PCDH15: variants seen among roughly 807,000 people sequenced by gnomAD.
PCDH15 encodes the protein protocadherin related 15, also known as protocadherin-15.
A neutral mutation model predicts 178.5 loss-of-function variants in PCDH15; 129 were observed. That is an observed-to-expected ratio of 0.72 (90% CI 0.63 to 0.84). PCDH15 has a LOEUF of 0.84. Ranked by LOEUF, PCDH15 falls within the 40% of genes least tolerant of loss-of-function variation. PCDH15 has a pLI of 0.00. For missense variants in PCDH15, 2,230 were observed against 2,099.9 expected, an observed-to-expected ratio of 1.06 and a Z score of -1.21; for synonymous variants, 800 against 732.0, an observed-to-expected ratio of 1.09 and a Z score of -1.50.
chr10:54,985,580 C>A (rs1445875368), intron 2 of PCDH15, among the ~76,000 whole-genome samples: 1 of 152,122 alleles, frequency 6.6e-6, no homozygotes, highest in Admixed American at 6.6e-5. Flanking sequence ...CAACACGTTA[C>A]ACCATAGAGT....
rs532866443 is a variant in PCDH15 at position 54,071,172 on chromosome 10, C to T, written c.2092-4287G>A. On this transcript the variant is annotated intron_variant, in intron 17 of 37. Coordinates refer to ENST00000644397, the MANE Select transcript of PCDH15 (RefSeq NM_001384140.1). ...TCCTGTTAATTTGACCTTGTAAATG[C>T]GCCTTGTATTATACAGTTTTGAGCA... Among the ~76,000 whole-genome samples, 168 of 152,102 alleles carry T rather than the reference C, an allele frequency of 1.1e-3. 1 individual carries two copies. The highest frequency in any genetic ancestry group is 3.8e-3 in the African/African-American group (156 of 41,510).
At chr10:55,438,013 T>G (rs1004320995) in intron 2 of PCDH15, among the ~76,000 whole-genome samples, 5 of 151,876 alleles carry the variant, frequency 3.3e-5, no homozygotes, top group Non-Finnish European at 7.4e-5. Context: ...TTTTGTATTT[T>G]TAGTAGACAC....
At chr10:55,072,918 T>G (rs1394855738) in intron 2 of PCDH15, among the ~76,000 whole-genome samples, 1 of 150,244 alleles carries the variant, frequency 6.7e-6, no homozygotes, top group Non-Finnish European at 1.5e-5. Context: ...GTGGGCTTCA[T>G]CCTTGGGATG....
At chr10:53,974,192 T>C (rs2134489358) in intron 21 of PCDH15, among the ~76,000 whole-genome samples, 1 of 152,198 alleles carries the variant, frequency 6.6e-6, no homozygotes, top group South Asian at 2.1e-4. Context: ...TTTTTGCATT[T>C]TTAGAAGAGA....
chr10:55,217,638 C>T (rs996565395), intron 1 of PCDH15, among the ~76,000 whole-genome samples: 1 of 151,594 alleles, frequency 6.6e-6, no homozygotes, highest in Non-Finnish European at 1.5e-5. Flanking sequence ...AATAGAACAG[C>T]TTTATAAAGC....
intron 3 of PCDH15, among the ~76,000 whole-genome samples, chr10:54,424,560 A>G (rs1199343319): frequency 1.3e-5 from 2 of 149,832 alleles, no homozygotes; most frequent in African/African-American, 5.1e-5. Flanking sequence ...ACATGCACAC[A>G]TATGTTCACT....
chr10:53,933,575 G>C (rs1194800375), intron 25 of PCDH15, among the ~76,000 whole-genome samples: 1 of 152,244 alleles, frequency 6.6e-6, no homozygotes, highest in Admixed American at 6.5e-5. Context: ...GACTATCGTT[G>C]TTGGACATTT....
intron 3 of PCDH15, among the ~76,000 whole-genome samples, chr10:54,447,990 T>A (rs1366636082): frequency 6.6e-6 from 1 of 151,692 alleles, no homozygotes; most frequent in Non-Finnish European, 1.5e-5. Context: ...TATGTTATAA[T>A]ATTTAACTGA....
At chr10:54,140,311 T>C (rs11516668) in intron 14 of PCDH15, among the ~76,000 whole-genome samples, 10,857 of 152,168 alleles carry the variant, frequency 0.071, 921 homozygotes, top group African/African-American at 0.2. Context: ...TTACAGAAAA[T>C]GTATAGTGGT....
chr10:55,617,735 A>T (rs1345499488), intron 2 of PCDH15, among the ~76,000 whole-genome samples: 1 of 151,986 alleles, frequency 6.6e-6, no homozygotes, highest in African/African-American at 2.4e-5. Flanking sequence ...TGATCTTTTA[A>T]ATTGGGAAAA....
rs57316850 is a variant in PCDH15 at position 54,562,777 on chromosome 10, C to T, written c.92-34900G>A. 8.6e-3 allele frequency among the ~76,000 whole-genome samples: 1,280 copies of T among 148,344 alleles called. 21 individuals are homozygous for T. Among genetic ancestry groups the T allele is most frequent in the African/African-American group, 0.032 (1,229 of 37,954 alleles). ...GTATAGAGAGCTATATATTATAACT[C>T]TTTATATATAGCACGGAATGATTGA... On this transcript the variant is annotated intron_variant, in intron 2 of 37. Transcript: ENST00000644397.
chr10:55,114,589 G>A (rs1368566065), intron 2 of PCDH15, among the ~76,000 whole-genome samples: 1 of 152,148 alleles, frequency 6.6e-6, no homozygotes, highest in Non-Finnish European at 1.5e-5. Flanking sequence ...AGGCCAATGT[G>A]GTATGAAAGA....
chr10:55,083,801 A>G (rs924706956), intron 2 of PCDH15, among the ~76,000 whole-genome samples: 1 of 151,818 alleles, frequency 6.6e-6, no homozygotes, highest in Non-Finnish European at 1.5e-5. Flanking sequence ...GAACTCAAGA[A>G]AGTAATCCCA....
chr10:55,221,099 C>T (rs1840862422), intron 1 of PCDH15, among the ~76,000 whole-genome samples: 2 of 152,038 alleles, frequency 1.3e-5, no homozygotes, highest in African/African-American at 2.4e-5. Flanking sequence ...CTCATGACAA[C>T]ATGAATGGAT....
At chr10:54,277,194 A>G (rs2058397321) in intron 8 of PCDH15, among the ~76,000 whole-genome samples, 1 of 151,582 alleles carries the variant, frequency 6.6e-6, no homozygotes, top group Admixed American at 6.6e-5. Context: ...AAGGCCTTAA[A>G]CTGTTTTAAG....
At chr10:54,666,217 G>T (rs2094569656) in intron 1 of PCDH15, among the ~76,000 whole-genome samples, 2 of 151,868 alleles carry the variant, frequency 1.3e-5, no homozygotes, top group South Asian at 4.1e-4. Flanking sequence ...AACCTCCAAA[G>T]TCTTAAATAC....
chr10:53,917,684 G>A (rs1284855228), intron 25 of PCDH15, among the ~76,000 whole-genome samples: 2 of 152,052 alleles, frequency 1.3e-5, no homozygotes, highest in African/African-American at 4.8e-5. Flanking sequence ...GATAAGAGAA[G>A]AATCCATCAA....
intron 1 of PCDH15, among the ~76,000 whole-genome samples, chr10:54,680,881 C>T (rs1263847927): frequency 6.6e-6 from 1 of 152,040 alleles, no homozygotes; most frequent in Non-Finnish European, 1.5e-5. Context: ...CTGAGAACAA[C>T]TAATACAGAG....
chr10:54,285,587 T>C (rs1591588057), intron 8 of PCDH15, among the ~76,000 whole-genome samples: 1 of 152,078 alleles, frequency 6.6e-6, no homozygotes, highest in Admixed American at 6.6e-5. Flanking sequence ...GGCGGGGATG[T>C]AGGAAAAGGG....
Sources: gnomAD v4.1 joint callset for allele counts (sites outside exome capture counted in the v4.1 genomes callset) on GRCh38, gnomAD v4.1.1 for gene constraint, MANE v1.5 for transcripts, NCBI Gene and HGNC (gene_info 2026-07-23, HGNC 2026-07-21) for gene names.